The following SPESP1 variants were observed in gnomAD, a reference collection of about 807,000 sequenced individuals.
SPESP1 encodes equatorial segment protein.
A neutral mutation model predicts 3.1 loss-of-function variants in SPESP1; 1 was observed. The observed-to-expected ratio is 0.33, with a 90% CI of 0.12 to 1.54. SPESP1 has a LOEUF of 1.54. Ranked by LOEUF, SPESP1 falls within the 40% of genes most tolerant of loss-of-function variation. The pLI is 0.38. For synonymous variants in SPESP1, 138 were observed against 150.7 expected (o/e 0.92, Z 0.62); for missense variants, 398 against 410.1 (o/e 0.97, Z 0.26).
intron 1 of SPESP1, among the ~76,000 whole-genome samples, chr15:68,933,844 G>C (rs1019054727): frequency 5.3e-5 from 8 of 150,146 alleles, no homozygotes; most frequent in African/African-American, 2.0e-4. Context: ...GGCTGACAGA[G>C]TGAGACCTTG....
At position 68,946,281 on chromosome 15, in the gene SPESP1, A is replaced by C. The variant is rs1330075972; in HGVS notation, c.747A>C (p.Ala249=). The change falls in exon 2 of 2, where the codon GCA becomes GCC. Residue 249 remains alanine (A), a synonymous_variant. Transcript: ENST00000310673. The part of the protein sequence containing the change: ...QALLSDTSNP[A]YREDIEASKD... The stretch of plus-strand genomic sequence containing the variant: ...TTCTTAGTGACACCAGCAACCCAGC[A>C]TATAGAGAAGATATTGAAGCCTCTA... 2 of 1,614,146 alleles carry C rather than the reference A, an allele frequency of 1.2e-6. No individual in the cohort carries two copies. Among genetic ancestry groups the C allele is most frequent in the Admixed American group, 1.7e-5 (1 of 60,018 alleles).
Position 68,933,393 on chromosome 15 carries a change from T to C in SPESP1, c.64+2676T>C, listed in dbSNP as rs1000703577. ...GTGCTGGAGAAACAACGTTTTACTATATAAAATTTTTATACATTCAGTTTC... is the reference window on the plus strand; with the variant it reads ...GTGCTGGAGAAACAACGTTTTACTACATAAAATTTTTATACATTCAGTTTC... On this transcript the variant is annotated intron_variant, in intron 1 of 1. Coordinates refer to ENST00000310673, the MANE Select transcript of SPESP1 (RefSeq NM_145658.4). Among the ~76,000 whole-genome samples, 25 of 152,212 alleles carry C rather than the reference T, an allele frequency of 1.6e-4. 1 individual carries two copies. Among genetic ancestry groups the C allele is most frequent in the Non-Finnish European group, 2.9e-4 (20 of 68,048 alleles).
At chr15:68,943,435 G>A (rs1895880103) in intron 1 of SPESP1, among the ~76,000 whole-genome samples, 1 of 152,104 alleles carries the variant, frequency 6.6e-6, no homozygotes, top group Non-Finnish European at 1.5e-5. Flanking sequence ...CTCCAGACGT[G>A]TGGTATCTTT....
intron 1 of SPESP1, 41 bp downstream of exon 1, chr15:68,930,758 C>G (rs772052669): frequency 9.9e-6 from 16 of 1,613,028 alleles, no homozygotes; most frequent in Middle Eastern, 1.7e-4. Context: ...CGGGGACACC[C>G]TGGGGGAACT....
chr15:68,945,632 T>G lies in SPESP1; in HGVS notation c.98T>G (p.Leu33Trp). The G allele has an allele frequency of 6.3e-7, 1 of 1,586,554 alleles. No homozygotes were observed. The highest frequency in any genetic ancestry group is 8.5e-7 in the Non-Finnish European group (1 of 1,172,424). The change falls in exon 2 of 2, where the codon TTG becomes TGG. Residue 33 changes from leucine to tryptophan, a missense_variant. Coordinates refer to ENST00000310673, the MANE Select transcript of SPESP1 (RefSeq NM_145658.4). ...GTGACACCTGATGAAGAGCAAAACTTGAATCATTATATACAAGTTTTAGAG... is the reference window on the plus strand; with the variant it reads ...GTGACACCTGATGAAGAGCAAAACTGGAATCATTATATACAAGTTTTAGAG... ...ITVTPDEEQN[L>W]NHYIQVLENL...
Position 68,932,394 on chromosome 15 carries a change from C to CT in SPESP1, c.64+1687dup, listed in dbSNP as rs545306317. Among the ~76,000 whole-genome samples, 671 of 146,990 alleles carry CT rather than the reference C, an allele frequency of 4.6e-3. 3 individuals are homozygous for CT. Among genetic ancestry groups the CT allele is most frequent in the South Asian group, 0.011 (52 of 4,618 alleles). ...CCCCCTCCCCTTCCCTTTTCCCCCCCTTTTTTTTTTGCCTGAGACAGGGTC... is the reference window on the plus strand; with the variant it reads ...CCCCCTCCCCTTCCCTTTTCCCCCCCTTTTTTTTTTTGCCTGAGACAGGGTC... On this transcript the variant is annotated intron_variant, in intron 1 of 1. Transcript: ENST00000310673.
chr15:68,936,178 A>G (rs1341598495), intron 1 of SPESP1, among the ~76,000 whole-genome samples: 2 of 152,216 alleles, frequency 1.3e-5, no homozygotes, highest in Admixed American at 1.3e-4. Flanking sequence ...TTTTATATAC[A>G]TGAGTTCTTT....
At chr15:68,933,717 G>A (rs1241691812) in intron 1 of SPESP1, among the ~76,000 whole-genome samples, 1 of 152,016 alleles carries the variant, frequency 6.6e-6, no homozygotes, top group East Asian at 1.9e-4. Context: ...AAATTAGCCA[G>A]ATGTGGTGGG....
At chr15:68,934,325 A>G (rs1895629338) in intron 1 of SPESP1, among the ~76,000 whole-genome samples, 2 of 152,224 alleles carry the variant, frequency 1.3e-5, no homozygotes, top group African/African-American at 4.8e-5. Flanking sequence ...AGCAACCAGC[A>G]ACAATTGTTT....
chr15:68,933,928 A>G (rs1895617943), intron 1 of SPESP1, among the ~76,000 whole-genome samples: 2 of 151,652 alleles, frequency 1.3e-5, no homozygotes, highest in Non-Finnish European at 2.9e-5. Context: ...AAATAATATC[A>G]ACTACTATTA....
intron 1 of SPESP1, among the ~76,000 whole-genome samples, chr15:68,938,605 T>G (rs1895741593): frequency 6.6e-6 from 1 of 152,204 alleles, no homozygotes; most frequent in African/African-American, 2.4e-5. Flanking sequence ...GGATACTATA[T>G]TTATTTATTT....
chr15:68,942,588 A>G (rs1010204292), intron 1 of SPESP1, among the ~76,000 whole-genome samples: 1 of 152,160 alleles, frequency 6.6e-6, no homozygotes, highest in South Asian at 2.1e-4. Context: ...TTTTTAGGGA[A>G]CATGTTTTTC....
chr15:68,946,006 G>C lies in SPESP1; in HGVS notation c.472G>C (p.Ala158Pro). 1.2e-6 allele frequency: 2 copies of C among 1,614,098 alleles called. No individual in the cohort carries two copies. The highest frequency in any genetic ancestry group is 1.7e-6 in the Non-Finnish European group (2 of 1,180,026). Residue 158 changes from alanine (A) to proline (P), a missense_variant, in exon 2 of 2, where the codon GCA becomes CCA. Ala to Pro is a conservative substitution (Grantham distance 27). Transcript: ENST00000310673. The part of the protein sequence containing the change: ...EPEPAAKQTE[A>P]PRMLPVVTES... Reference sequence around the variant, plus strand: ...GGAGCCAGCTGCAAAACAAACTGAGGCACCAAGAATGTTGCCAGTTGTTAC... The same window carrying C: ...GGAGCCAGCTGCAAAACAAACTGAGCCACCAAGAATGTTGCCAGTTGTTAC...
Position 68,930,580 on chromosome 15 carries a change from T to G in SPESP1, c.-74T>G, listed in dbSNP as rs1435737664. The G allele has an allele frequency of 4.4e-6, 7 of 1,596,236 alleles. No individual in the cohort carries two copies. Among genetic ancestry groups the G allele is most frequent in the Non-Finnish European group, 5.1e-6 (6 of 1,166,252 alleles). On this transcript the variant is annotated 5_prime_UTR_variant, in exon 1 of 2. Transcript: ENST00000310673. ...ACGGTACTCCGCTGACACCTTCCCT[T>G]TCGGCCTTGAGGTTCCCAGCCTGGT...
rs116294122 is a variant in SPESP1, at chr15:68,942,705, A to G, written c.65-2894A>G. On this transcript the variant is annotated intron_variant, in intron 1 of 1. Transcript: ENST00000310673. ...TCTGTAGCTTTGAAAGTGTTTTAAA[A>G]TATCTAATTTATTTGGTTCAGTGAG... Among the ~76,000 whole-genome samples, 1,450 of 152,276 alleles carry G rather than the reference A, an allele frequency of 9.5e-3. 22 individuals are homozygous for G. Among genetic ancestry groups the G allele is most frequent in the African/African-American group, 0.034 (1,401 of 41,558 alleles).
intron 1 of SPESP1, among the ~76,000 whole-genome samples, chr15:68,944,250 C>T (rs978365642): frequency 1.3e-5 from 2 of 150,924 alleles, no homozygotes; most frequent in Non-Finnish European, 2.9e-5. Flanking sequence ...CTGTTCTCCA[C>T]GTTGGAAATG....
chr15:68,943,589 C>T (rs1005084839), intron 1 of SPESP1, among the ~76,000 whole-genome samples: 40 of 151,954 alleles, frequency 2.6e-4, no homozygotes, highest in Non-Finnish European at 5.6e-4. Context: ...TCTCATTGGG[C>T]GTAAATGCAG....
intron 1 of SPESP1, among the ~76,000 whole-genome samples, chr15:68,944,844 A>G (rs970694006): frequency 7.9e-5 from 12 of 152,186 alleles, no homozygotes; most frequent in Non-Finnish European, 1.8e-4. Flanking sequence ...TGTTGGGTTG[A>G]AGGCAGTAGT....
intron 1 of SPESP1, among the ~76,000 whole-genome samples, chr15:68,937,693 TG>T (rs918824812): frequency 6.6e-6 from 1 of 152,180 alleles, no homozygotes; most frequent in African/African-American, 2.4e-5. Flanking sequence ...TGGGTTTTAT[TG>T]TTCTCCTCTC....
Sources: allele counts gnomAD v4.1 joint callset (sites outside exome capture counted in the v4.1 genomes callset), GRCh38; gene constraint gnomAD v4.1.1; transcripts MANE v1.5; gene names NCBI Gene and HGNC (gene_info 2026-07-23, HGNC 2026-07-21).